HEPH: variants seen among roughly 807,000 people sequenced by gnomAD.
HEPH encodes the protein hephaestin.
Under a neutral mutation model 80.8 loss-of-function variants are expected in HEPH, and 69 were observed. The observed-to-expected ratio is 0.85, with a 90% CI of 0.70 to 1.04. HEPH has a LOEUF of 1.04. Ranked by LOEUF, HEPH falls within the 50% of genes least tolerant of loss-of-function variation. The pLI is 0.00. For synonymous variants in HEPH, 431 were observed against 322.8 expected (o/e 1.34, Z -3.60); for missense variants, 1,115 against 891.3 (o/e 1.25, Z -3.20).
intron 15 of HEPH, among the ~76,000 whole-genome samples, chrX:66,237,818 C>T (rs751850734): frequency 8.9e-6 from 1 of 112,231 alleles, no homozygotes; most frequent in Non-Finnish European, 1.9e-5. Context: ...GTGTTGGATG[C>T]ATATATATTT....
At chrX:66,186,286 G>A (rs1382696984) in intron 4 of HEPH, among the ~76,000 whole-genome samples, 3 of 105,231 alleles carry the variant, frequency 2.9e-5, no homozygotes, top group Non-Finnish European at 5.9e-5. Context: ...GCAATGGCGG[G>A]CGCCCCTCCC....
chrX:66,252,196 C>T (rs1225407988), intron 15 of HEPH, among the ~76,000 whole-genome samples: 1 of 111,797 alleles, frequency 8.9e-6, no homozygotes, highest in Non-Finnish European at 1.9e-5. Flanking sequence ...GCTTACATAA[C>T]TGGTGGCACT....
intron 4 of HEPH, among the ~76,000 whole-genome samples, chrX:66,179,673 C>G (rs762742667): frequency 1.8e-5 from 2 of 111,384 alleles, no homozygotes; most frequent in African/African-American, 3.3e-5. Context: ...AAGTCTCCCA[C>G]TATTATTGTG....
intron 11 of HEPH, chrX:66,200,325 T>C (rs2088363810): frequency 7.5e-6 from 3 of 400,789 alleles, no homozygotes; most frequent in Non-Finnish European, 1.3e-5. Context: ...ATGGTGGAGG[T>C]GAGGCCAGAA....
intron 15 of HEPH, among the ~76,000 whole-genome samples, chrX:66,213,898 A>C (rs1347760920): frequency 8.9e-6 from 1 of 112,637 alleles, no homozygotes; most frequent in South Asian, 3.7e-4. Context: ...TCTGCCTTCT[A>C]GAACTCCATC....
intron 15 of HEPH, among the ~76,000 whole-genome samples, chrX:66,217,520 A>C (rs1295845959): frequency 8.9e-6 from 1 of 111,796 alleles, no homozygotes; most frequent in East Asian, 2.8e-4. Context: ...GCACTACAAG[A>C]ACTGCTAAAA....
chrX:66,222,466 C>G (rs2089694487), intron 15 of HEPH, among the ~76,000 whole-genome samples: 1 of 112,290 alleles, frequency 8.9e-6, no homozygotes, highest in South Asian at 3.7e-4. Context: ...CCATTCCAAC[C>G]AGGCATTTGC....
chrX:66,207,386 G>C (rs1237103235), intron 14 of HEPH, 52 bp downstream of exon 14: 1 of 994,219 alleles, frequency 1.0e-6, no homozygotes, highest in Non-Finnish European at 1.3e-6. Flanking sequence ...ACTCCACCTA[G>C]GGAAGCTATG....
intron 1 of HEPH, among the ~76,000 whole-genome samples, chrX:66,168,764 C>T (rs940242189): frequency 3.6e-5 from 4 of 111,270 alleles, no homozygotes; most frequent in Middle Eastern, 9.2e-3. Flanking sequence ...GAAGATTTAG[C>T]GAAATAATTT....
chrX:66,222,245 C>T (rs1434957708), intron 15 of HEPH, among the ~76,000 whole-genome samples: 2 of 112,713 alleles, frequency 1.8e-5, no homozygotes, highest in African/African-American at 3.2e-5. Context: ...GGGGCTGACC[C>T]GCAGGGTGCC....
At chrX:66,262,360 T>C (rs1010986153) in intron 19 of HEPH, among the ~76,000 whole-genome samples, 1 of 110,923 alleles carries the variant, frequency 9.0e-6, no homozygotes, top group African/African-American at 3.3e-5. Context: ...GACCAGGGGG[T>C]TTGACAGACT....
chrX:66,170,689 C>T lies in HEPH; in HGVS notation c.119C>T (p.Ala40Val). 8.3e-7 allele frequency: 1 copy of T among 1,210,439 alleles called. No homozygotes were observed. The highest frequency in any genetic ancestry group is 1.7e-5 in the African/African-American group (1 of 57,801). Reference protein sequence around the residue: ...LGIRDVQWNYAPKGRNVITNQ... With the variant: ...LGIRDVQWNYVPKGRNVITNQ... Reference sequence around the variant, plus strand: ...ATCCGGGATGTGCAGTGGAACTATGCTCCCAAGGGAAGAAATGTCATCACG... The same window carrying T: ...ATCCGGGATGTGCAGTGGAACTATGTTCCCAAGGGAAGAAATGTCATCACG... Residue 40 changes from alanine (A) to valine (V), a missense_variant, in exon 2 of 21, where the codon GCT becomes GTT. By Grantham distance (64) the Ala-to-Val change is moderately conservative (BLOSUM62 0). Coordinates refer to ENST00000343002, the MANE Select transcript of HEPH (RefSeq NM_001367233.3).
At chrX:66,191,570 T>G (rs768219390) in intron 6 of HEPH, among the ~76,000 whole-genome samples, 5 of 112,147 alleles carry the variant, frequency 4.5e-5, no homozygotes, top group Non-Finnish European at 9.4e-5. Context: ...ATTCCACATT[T>G]GAAAACACTA....
chrX:66,229,010 C>A (rs2090009583), intron 15 of HEPH, among the ~76,000 whole-genome samples: 1 of 112,346 alleles, frequency 8.9e-6, no homozygotes, highest in Admixed American at 9.5e-5. Context: ...ACCATTTGAT[C>A]CAGCAATTCC....
intron 4 of HEPH, among the ~76,000 whole-genome samples, chrX:66,174,749 G>T (rs1197317917): frequency 6.3e-5 from 7 of 111,601 alleles, no homozygotes; most frequent in Non-Finnish European, 1.3e-4. Flanking sequence ...GTTTTGACTT[G>T]CATTTCCCTA....
At chrX:66,235,966 G>C (rs1569379781) in intron 15 of HEPH, among the ~76,000 whole-genome samples, 1 of 112,034 alleles carries the variant, frequency 8.9e-6, no homozygotes, top group Non-Finnish European at 1.9e-5. Context: ...TGATTTTCCT[G>C]AGACTTTGCT....
At position 66,217,843 on chromosome X, in the gene HEPH, G is replaced by T. The variant is rs757193898; in HGVS notation, c.2563+9597G>T. ...AACTTAAGGTAAAAGGGGGGAAAAA[G>T]ATATTCCATGCAAAGGGACACCAAA... On this transcript the variant is annotated intron_variant, in intron 15 of 20. Coordinates refer to ENST00000343002, the MANE Select transcript of HEPH (RefSeq NM_001367233.3). Among the ~76,000 whole-genome samples, 23 of 111,853 alleles carry T rather than the reference G, an allele frequency of 2.1e-4. No individual in the cohort carries two copies. The South Asian group carries it at 7.9e-3, about 38-fold the overall frequency.
At chrX:66,205,842 G>T (rs922633806) in intron 13 of HEPH, among the ~76,000 whole-genome samples, 1 of 110,678 alleles carries the variant, frequency 9.0e-6, no homozygotes, top group Non-Finnish European at 1.9e-5. Flanking sequence ...GTGACTTCCC[G>T]TCTCTGAACC....
chrX:66,194,183 A>G (rs2087962991), intron 8 of HEPH, among the ~76,000 whole-genome samples: 1 of 111,660 alleles, frequency 9.0e-6, no homozygotes, highest in Non-Finnish European at 1.9e-5. Flanking sequence ...AATAGGCCAG[A>G]TGGAAAAAAA....
Sources: allele counts gnomAD v4.1 joint callset (sites outside exome capture counted in the v4.1 genomes callset), GRCh38; gene constraint gnomAD v4.1.1; transcripts MANE v1.5; gene names NCBI Gene and HGNC (gene_info 2026-07-23, HGNC 2026-07-21).